The following MTHFD1 variants were observed in gnomAD, a reference collection of about 807,000 sequenced individuals.
The protein encoded by MTHFD1 is C-1-tetrahydrofolate synthase, cytoplasmic.
Under a neutral mutation model 110.3 loss-of-function variants are expected in MTHFD1, and 44 were observed. The observed-to-expected ratio is 0.40, with a 90% CI of 0.31 to 0.51. MTHFD1 has a LOEUF of 0.51. Among genes scored for constraint, MTHFD1 ranks in the 20% least tolerant of loss-of-function variants. The pLI, the probability that MTHFD1 is intolerant of heterozygous loss-of-function variation, is 0.60. For missense variants in MTHFD1, 909 were observed against 1,173.1 expected (o/e 0.77, Z 3.29); for synonymous variants, 402 against 428.8 (o/e 0.94, Z 0.77).
At chr14:64,425,703 A>G in intron 9 of MTHFD1, 27 bp from the exon 10 acceptor site, 1 of 1,579,798 alleles carries the variant, frequency 6.3e-7, no homozygotes, top group Non-Finnish European at 8.7e-7. Flanking sequence ...CACCTCTTCT[A>G]AGTTTCATTT....
At chr14:64,411,254 A>C in intron 3 of MTHFD1, 105 bp downstream of exon 3, 1 of 802,948 alleles carries the variant, frequency 1.2e-6, no homozygotes, top group South Asian at 1.4e-5. Flanking sequence ...TTTATCACCC[A>C]CAGGAGACAT....
chr14:64,427,416 C>A lies in MTHFD1; in HGVS notation c.1207C>A (p.Gln403Lys). The A allele has an allele frequency of 6.2e-7, 1 of 1,614,144 alleles. No individual in the cohort carries two copies. Among genetic ancestry groups the A allele is most frequent in the Non-Finnish European group, 8.5e-7 (1 of 1,180,002 alleles). The change falls in exon 12 of 28, where the codon CAG becomes AAG. Residue 403 changes from glutamine (Q) to lysine (K), a missense_variant. By Grantham distance (53) the Gln-to-Lys change is moderately conservative. Coordinates refer to ENST00000652337, the MANE Select transcript of MTHFD1 (RefSeq NM_005956.4). ...GCAAGCCCTTGGTGCCCATCTCTAC[C>A]AGAATGTCTTTGCGTGTGTGCGACA... is the stretch of plus-strand genomic sequence containing the variant. Reference protein sequence around the residue: ...LVQALGAHLYQNVFACVRQPS... With the variant: ...LVQALGAHLYKNVFACVRQPS...
chr14:64,401,978 T>C (rs986867436), intron 2 of MTHFD1, among the ~76,000 whole-genome samples: 1 of 152,220 alleles, frequency 6.6e-6, no homozygotes, highest in Admixed American at 6.6e-5. Flanking sequence ...AAAATTTGGC[T>C]TCATACAGAT....
chr14:64,428,379 C>T (rs73277979), intron 12 of MTHFD1, among the ~76,000 whole-genome samples: 9,404 of 151,552 alleles, frequency 0.062, 509 homozygotes, highest in African/African-American at 0.16. Flanking sequence ...GCCTTCCAAA[C>T]TGGTAGGACT....
At chr14:64,434,703 T>C (rs968492741) in intron 15 of MTHFD1, among the ~76,000 whole-genome samples, 7 of 152,172 alleles carry the variant, frequency 4.6e-5, no homozygotes, top group Admixed American at 6.6e-5. Context: ...TCACTAGACA[T>C]TCTTCAGGAT....
rs1006745994 is a variant in MTHFD1, at chr14:64,395,578, C to T, written c.42-5215C>T. 2.0e-5 allele frequency among the ~76,000 whole-genome samples: 3 copies of T among 152,270 alleles called. No homozygotes were observed. The East Asian group carries it at 5.8e-4, about 29-fold the overall frequency. On this transcript the variant is annotated intron_variant, in intron 1 of 27. Transcript: ENST00000652337. ...TTTAAAATCCTAAATTTTATAAAGC[C>T]TTAACCAGTCCAACCTAGTCCGTTT... is the stretch of plus-strand genomic sequence containing the variant.
intron 12 of MTHFD1, 48 bp from the exon 13 acceptor site, chr14:64,430,136 T>C (rs1190602680): frequency 6.5e-7 from 1 of 1,540,210 alleles, no homozygotes; most frequent in Non-Finnish European, 9.0e-7. Context: ...TTCTAAGTCA[T>C]TGGAGAAGCA....
chr14:64,396,503 T>C (rs2077850590), intron 1 of MTHFD1, among the ~76,000 whole-genome samples: 2 of 150,770 alleles, frequency 1.3e-5, no homozygotes, highest in Admixed American at 1.3e-4. Context: ...GCGATTCCCG[T>C]GCCTCAGCCT....
At chr14:64,388,792 A>T (rs2077783442) in intron 1 of MTHFD1, 1 of 528,870 alleles carries the variant, frequency 1.9e-6, no homozygotes, top group Admixed American at 3.1e-5. Context: ...GTCAGAACTC[A>T]GAAATCCAAT....
chr14:64,448,041 G>A (rs2078308812), intron 22 of MTHFD1, 176 bp from the exon 23 acceptor site: 7 of 647,616 alleles, frequency 1.1e-5, no homozygotes, highest in South Asian at 1.0e-4. Flanking sequence ...GTTCTCCATA[G>A]CATCCACTCA....
chr14:64,421,803 T>C (rs560911200), intron 8 of MTHFD1, among the ~76,000 whole-genome samples: 167 of 152,106 alleles, frequency 1.1e-3, no homozygotes, highest in Non-Finnish European at 1.8e-3. Flanking sequence ...TTTTTTGTAT[T>C]TTTAGTAGAG....
chr14:64,440,233 T>A lies in MTHFD1; in HGVS notation c.1782T>A (p.Ser594Arg), dbSNP rs138548015. 6.8e-6 allele frequency: 11 copies of A among 1,613,984 alleles called. No homozygotes were observed. The highest frequency in any genetic ancestry group is 1.3e-5 in the African/African-American group (1 of 74,902). The change falls in exon 18 of 28, where the codon AGT becomes AGA. Residue 594 changes from serine (S) to arginine (R), a missense_variant. Physicochemically the swap from Ser to Arg is moderately radical, Grantham distance 110 (BLOSUM62 -1). This residue lies in a region of MTHFD1 where 482 missense variants were observed against 646.0 expected (regional missense o/e 0.75). Coordinates refer to ENST00000652337, the MANE Select transcript of MTHFD1 (RefSeq NM_005956.4). The stretch of plus-strand genomic sequence containing the variant: ...TGGGCAAAATGGTGGTGGCATCCAG[T>A]AAGAAAGGAGAGCCCGTCAGTGCCG... ...ERLGKMVVAS[S>R]KKGEPVSAED...
chr14:64,415,329 A>G, intron 4 of MTHFD1, 29 bp from the exon 5 acceptor site: 2 of 1,589,014 alleles, frequency 1.3e-6, no homozygotes, highest in Non-Finnish European at 1.7e-6. Context: ...TCTGTGTGAT[A>G]TACAAATTAT....
chr14:64,409,819 T>C (rs774617837), intron 2 of MTHFD1, among the ~76,000 whole-genome samples: 2 of 152,220 alleles, frequency 1.3e-5, no homozygotes, highest in Non-Finnish European at 2.9e-5. Context: ...ATTCAGGCCA[T>C]GTCCTGAGAT....
chr14:64,402,151 C>T (rs929511450), intron 2 of MTHFD1, among the ~76,000 whole-genome samples: 5 of 152,200 alleles, frequency 3.3e-5, no homozygotes, highest in African/African-American at 1.2e-4. Flanking sequence ...GTTACATCTT[C>T]TCAGACTTGC....
chr14:64,423,643 G>A (rs1053373257), intron 8 of MTHFD1, among the ~76,000 whole-genome samples: 1 of 151,560 alleles, frequency 6.6e-6, no homozygotes, highest in East Asian at 1.9e-4. Context: ...TGATCCACCC[G>A]CCTTGGCCTC....
At chr14:64,454,263 C>T (rs192603060) in intron 25 of MTHFD1, among the ~76,000 whole-genome samples, 7 of 152,236 alleles carry the variant, frequency 4.6e-5, no homozygotes, top group African/African-American at 1.7e-4. Context: ...CAGGCACGCA[C>T]CACCACACCT....
intron 8 of MTHFD1, 88 bp from the exon 9 acceptor site, chr14:64,424,716 C>A: frequency 1.4e-6 from 2 of 1,456,820 alleles, no homozygotes; most frequent in Non-Finnish European, 1.9e-6. Flanking sequence ...GACTAACACA[C>A]CCTACAATTC....
intron 2 of MTHFD1, among the ~76,000 whole-genome samples, chr14:64,406,643 G>A (rs569339347): frequency 1.2e-4 from 18 of 151,686 alleles, no homozygotes; most frequent in African/African-American, 3.9e-4. Context: ...CAGGCATCCA[G>A]CTAATTTTAG....
Sources: gnomAD v4.1 joint callset for allele counts (sites outside exome capture counted in the v4.1 genomes callset) on GRCh38, gnomAD v4.1.1 for gene constraint, gnomAD v4.1.1 regional missense constraint, MANE v1.5 for transcripts, NCBI Gene and HGNC (gene_info 2026-07-23, HGNC 2026-07-21) for gene names.